Variants in RAB44 observed in about 807,000 individuals in gnomAD.
The protein encoded by RAB44 is RAB44, member RAS oncogene family.
In RAB44, 67 loss-of-function variants were observed where a neutral mutation model predicts 93.3. That is an observed-to-expected ratio of 0.72 (90% confidence interval 0.59 to 0.88). The LOEUF is 0.88. RAB44 is among the 40% of genes least tolerant of loss of function. The pLI is 0.00. For synonymous variants in RAB44, 427 were observed against 520.3 expected, an observed-to-expected ratio of 0.82 and a Z score of 2.44; for missense variants, 1,064 against 1,261.7, an observed-to-expected ratio of 0.84 and a Z score of 2.37.
rs902145166 is a variant in RAB44 at position 36,717,813 on chromosome 6, G to A, written c.642-215G>A. On this transcript the variant is annotated intron_variant, in intron 5 of 13. Coordinates refer to ENST00000612677, the MANE Select transcript of RAB44 (RefSeq NM_001257357.2). This position sits in a 1 kb window ranked among gnomAD's most constrained non-coding sequence, Gnocchi z 4.1. ...GGAACTGGTGACGGTTACAAGGGTC[G>A]GCGTGGTAGGATCAGCAGGACCAAT... Among the ~76,000 whole-genome samples, 4 of 151,574 alleles carry A rather than the reference G, an allele frequency of 2.6e-5. No homozygotes were observed. Among genetic ancestry groups the A allele is most frequent in the Admixed American group, 2.0e-4 (3 of 15,252 alleles).
chr6:36,704,168 C>T lies in RAB44; in HGVS notation c.-12-56C>T. 2.1e-6 allele frequency: 3 copies of T among 1,427,212 alleles called. No individual in the cohort carries two copies. In the South Asian group the frequency reaches 3.7e-5, roughly 18 times the overall value. The allele number at this position is 1,427,212 out of a possible 1,614,324, so 88.4% of individuals were successfully genotyped here. ...ATGGGAGCCAGGGGAGGGTTTTGAG[C>T]CATGAGAGGGCGTGACTGTCCAGCA... On this transcript the variant is annotated intron_variant, in intron 1 of 13. Coordinates refer to ENST00000612677, the MANE Select transcript of RAB44 (RefSeq NM_001257357.2).
At chr6:36,702,552 G>A (rs746557387) in intron 1 of RAB44, among the ~76,000 whole-genome samples, 12 of 152,202 alleles carry the variant, frequency 7.9e-5, no homozygotes, top group Non-Finnish European at 1.8e-4. Context: ...ATGCCCAGGG[G>A]AGATATCTAT....
chr6:36,708,686 A>T (rs1762709690), intron 2 of RAB44, among the ~76,000 whole-genome samples: 2 of 152,038 alleles, frequency 1.3e-5, no homozygotes, highest in African/African-American at 2.4e-5. Context: ...TTTGTTTTTT[A>T]AAATAAGATA....
At chr6:36,715,713 T>A (rs1392374895) in intron 4 of RAB44, 60 bp downstream of exon 4, 1 of 1,506,358 alleles carries the variant, frequency 6.6e-7, no homozygotes, top group Non-Finnish European at 8.9e-7. Context: ...CGGCAGGGGC[T>A]TTCCTGGACA....
chr6:36,721,687 C>T lies in RAB44; in HGVS notation c.1553C>T (p.Ser518Phe). The change falls in exon 9 of 14, where the codon TCC becomes TTC. Residue 518 changes from serine (S) to phenylalanine (F), a missense_variant. Transcript: ENST00000612677. ...CCCCCTCCCCAGGCCCCAGCTGGGT[C>T]CAGCAAACAGATCCAGGCCTCAGAC... ...NSPPPQAPAG[S>F]SKQIQASDPD... The T allele has an allele frequency of 8.1e-7, 1 of 1,234,378 alleles. No individual in the cohort carries two copies. Among genetic ancestry groups the T allele is most frequent in the Non-Finnish European group, 1.0e-6 (1 of 988,180 alleles). The allele number at this position is 1,234,378 out of a possible 1,614,324, so 76.5% of individuals were successfully genotyped here.
intron 3 of RAB44, 141 bp downstream of exon 3, chr6:36,714,080 G>A: frequency 1.6e-6 from 1 of 635,524 alleles, no homozygotes; most frequent in Non-Finnish European, 2.8e-6. Context: ...CAGTGGTCCG[G>A]GGCCCTCCCC....
rs3046039 is a variant in RAB44, at chr6:36,715,102, A to AATATATATATATATATATAT, written c.320-361_320-360insATATATATATATATATATAT. Among the ~76,000 whole-genome samples, 28 of 148,298 alleles carry AATATATATATATATATATAT rather than the reference A, an allele frequency of 1.9e-4. 2 individuals carry two copies. The highest frequency in any genetic ancestry group is 6.7e-4 in the African/African-American group (26 of 38,878). ...TGGCTCACTTAGCAAGTTGGCTTAA[A>AATATATATATATATATATAT]ATATATATATATATATTCTTTTCAA... On this transcript the variant is annotated intron_variant, in intron 3 of 13. Transcript: ENST00000612677.
chr6:36,714,014 T>C, intron 3 of RAB44, 75 bp downstream of exon 3: 1 of 980,836 alleles, frequency 1.0e-6, no homozygotes, highest in South Asian at 1.4e-5. Flanking sequence ...CTAGGCTGGG[T>C]CGTTAGAAAG....
chr6:36,708,842 GAGATAA>G (rs1223591656), intron 2 of RAB44, among the ~76,000 whole-genome samples: 4 of 151,936 alleles, frequency 2.6e-5, no homozygotes, highest in African/African-American at 7.2e-5. Flanking sequence ...TATTTTAGTA[GAGATAA>G]AGATAAATTC....
chr6:36,722,628 T>A lies in RAB44; in HGVS notation c.2494T>A (p.Tyr832Asn). 6.4e-7 allele frequency: 1 copy of A among 1,550,660 alleles called. No individual in the cohort carries two copies. The highest frequency in any genetic ancestry group is 2.0e-5 in the Admixed American group (1 of 51,010). Residue 832 changes from tyrosine (Y) to asparagine (N), a missense_variant, in exon 9 of 14, where the codon TAC (tyrosine) becomes AAC (asparagine). Transcript: ENST00000612677. ...AGGGPQANPD[Y>N]LFHVIFLGDS... ...AGGGGGACCCCAGGCCAACCCTGAT[T>A]ACCTCTTCCATGTCATCTTTCTGGG...
chr6:36,709,180 A>T (rs1222070523), intron 2 of RAB44, among the ~76,000 whole-genome samples: 3 of 151,814 alleles, frequency 2.0e-5, no homozygotes, highest in African/African-American at 7.3e-5. Flanking sequence ...TGAACTCCTA[A>T]CCTCAGGTGA....
intron 9 of RAB44, 28 bp from the exon 10 acceptor site, chr6:36,725,834 A>G: frequency 1.3e-6 from 2 of 1,510,168 alleles, no homozygotes; most frequent in South Asian, 2.4e-5. Flanking sequence ...GTAACTTAGT[A>G]GGCTTCACCC....
rs1371575288 is a variant in RAB44, at chr6:36,717,769, C to A, written c.642-259C>A. On this transcript the variant is annotated intron_variant, in intron 5 of 13. Coordinates refer to ENST00000612677, the MANE Select transcript of RAB44 (RefSeq NM_001257357.2). This position sits in a 1 kb window ranked among gnomAD's most constrained non-coding sequence, Gnocchi z 4.1. ...GGACTGAGTGATGGGGTGATGGGGACAATGAGACCCTGGCCAGGGGAACTG... is the reference window on the plus strand; with the variant it reads ...GGACTGAGTGATGGGGTGATGGGGAAAATGAGACCCTGGCCAGGGGAACTG... Among the ~76,000 whole-genome samples the A allele has an allele frequency of 6.6e-6, 1 of 151,836 alleles. No homozygotes were observed. The highest frequency in any genetic ancestry group is 2.4e-5 in the African/African-American group (1 of 41,356).
Position 36,715,606 on chromosome 6 carries a change from G to A in RAB44, c.447G>A (p.Ala149=), listed in dbSNP as rs79204428. ...AGGCGGATGCTGAGGAGAAGGAGGC[G>A]TTCCTTGCCTTCATGGAGCAGCTGG... is the stretch of plus-strand genomic sequence containing the variant. ...LEEADAEEKE[A]FLAFMEQLGT... Residue 149 remains alanine, a synonymous_variant, in exon 4 of 14, where the codon GCG becomes GCA. Coordinates refer to ENST00000612677, the MANE Select transcript of RAB44 (RefSeq NM_001257357.2). 3,090 of 1,536,174 alleles carry A rather than the reference G, an allele frequency of 2.0e-3. 64 individuals are homozygous for A. The African/African-American group carries it at 0.035, about 17-fold the overall frequency.
At chr6:36,722,811 C>T in intron 9 of RAB44, 78 bp downstream of exon 9, 1 of 1,502,614 alleles carries the variant, frequency 6.7e-7, no homozygotes, top group South Asian at 1.3e-5. Flanking sequence ...CGGGCCCAGA[C>T]CAAGCCCTCC....
At chr6:36,715,867 G>A (rs1762906955) in intron 4 of RAB44, among the ~76,000 whole-genome samples, 1 of 152,188 alleles carries the variant, frequency 6.6e-6, no homozygotes, top group Non-Finnish European at 1.5e-5. Context: ...GTTGTTGTGG[G>A]GTTAAAACCA....
intron 9 of RAB44, 81 bp downstream of exon 9, chr6:36,722,814 A>C (rs1763131425): frequency 5.3e-6 from 8 of 1,501,280 alleles, no homozygotes; most frequent in Non-Finnish European, 7.2e-6. Flanking sequence ...GCCCAGACCA[A>C]GCCCTCCCTG....
intron 2 of RAB44, among the ~76,000 whole-genome samples, chr6:36,711,167 T>C (rs919088085): frequency 7.9e-5 from 12 of 152,232 alleles, no homozygotes; most frequent in Non-Finnish European, 1.5e-4. Context: ...GGAAACTGTG[T>C]TTAAGGTGAC....
chr6:36,717,201 TG>T lies in RAB44; in HGVS notation c.495-68del. 1 of 1,220,256 alleles carries T rather than the reference TG, an allele frequency of 8.2e-7. No individual in the cohort carries two copies. 75.6% of individuals were successfully genotyped at this position (1,220,256 alleles called of 1,614,324 possible). ...GAGCGCTGCAGTGAAAACTGAGGAG[TG>T]GGGCTCCCCTTGCTTCTCCATCCCA... On this transcript the variant is annotated intron_variant, in intron 4 of 13. Coordinates refer to ENST00000612677, the MANE Select transcript of RAB44 (RefSeq NM_001257357.2). The surrounding 1 kb of genome is among the most constrained non-coding windows in gnomAD (Gnocchi z 4.1).
Sources: gnomAD v4.1 joint callset for allele counts (sites outside exome capture counted in the v4.1 genomes callset) on GRCh38, gnomAD v4.1.1 for gene constraint, Gnocchi (gnomAD v3.1) non-coding constraint, MANE v1.5 for transcripts, NCBI Gene and HGNC (gene_info 2026-07-23, HGNC 2026-07-21) for gene names.